The following FAT2 variants were observed in gnomAD, a reference collection of about 807,000 sequenced individuals.
FAT2 encodes protocadherin Fat 2.
FAT2 carries 150 observed loss-of-function variants against 295.3 expected under a neutral mutation model. The observed-to-expected ratio is 0.51, with a 90% CI of 0.44 to 0.58. The LOEUF (loss-of-function observed/expected upper bound fraction) is 0.58, where lower values mean the gene tolerates loss of function less well. FAT2 is among the 20% of genes least tolerant of loss of function. The pLI, the probability that FAT2 is intolerant of heterozygous loss-of-function variation, is 0.00. For synonymous variants in FAT2, 2,026 were observed against 2,150.3 expected (o/e 0.94, Z 1.60); for missense variants, 4,868 against 5,442.7 (o/e 0.89, Z 3.32).
intron 3 of FAT2, among the ~76,000 whole-genome samples, chr5:151,558,656 T>C (rs928969578): frequency 2.6e-5 from 4 of 151,862 alleles, no homozygotes; most frequent in African/African-American, 4.8e-5. Flanking sequence ...AAATAACAAC[T>C]ATTGCCTTCC....
chr5:151,570,902 G>A (rs1447043152), intron 1 of FAT2, among the ~76,000 whole-genome samples: 1 of 152,112 alleles, frequency 6.6e-6, no homozygotes, highest in African/African-American at 2.4e-5. Flanking sequence ...TCCGAGATAA[G>A]AGGCAGGAAT....
intron 20 of FAT2, among the ~76,000 whole-genome samples, chr5:151,517,018 G>A (rs770916624): frequency 9.2e-5 from 14 of 151,530 alleles, no homozygotes; most frequent in Non-Finnish European, 2.1e-4. Context: ...TGAGGCAGGA[G>A]AATCGCTTGA....
chr5:151,534,886 G>A (rs1209382666), intron 12 of FAT2, among the ~76,000 whole-genome samples: 5 of 149,286 alleles, frequency 3.3e-5, no homozygotes, highest in African/African-American at 1.2e-4. Context: ...CTAAAAATAG[G>A]TATATTCTTA....
Position 151,542,531 on chromosome 5 carries a change from C to G in FAT2, c.8596G>C (p.Glu2866Gln), listed in dbSNP as rs1462949529. ...WITTLQELDC[E>Q]TCQTYHFHVV... is the part of the protein sequence containing the mutation. The stretch of plus-strand genomic sequence containing the variant: ...TGAAAATGATAAGTCTGGCAGGTCT[C>G]ACAGTCAAGTTCCTGGAGTGTGGTG... Residue 2866 changes from glutamate (E) to glutamine (Q), a missense_variant, in exon 10 of 24, where the codon GAG (glutamate) becomes CAG (glutamine). Physicochemically the swap from Glu to Gln is conservative, Grantham distance 29. This residue lies in a region of FAT2 where 3,297 missense variants were observed against 3,669.4 expected (regional missense o/e 0.90). Transcript: ENST00000261800. 6.2e-7 allele frequency: 1 copy of G among 1,614,194 alleles called. No individual in the cohort carries two copies.
At chr5:151,529,105 C>T (rs1754322110) in intron 15 of FAT2, 73 bp downstream of exon 15, 2 of 1,277,584 alleles carry the variant, frequency 1.6e-6, no homozygotes. Context: ...TCATAGATGG[C>T]TGGGTGTGGG....
Position 151,527,228 on chromosome 5 carries a change from G to A in FAT2, c.10308+6C>T, listed in dbSNP as rs559978363. ...GGCTCAGGGTGCCTTGGAGGCTCAA[G>A]CTTACCTGGACAGTGGTGCTGTAGT... On this transcript the variant is annotated splice_donor_region_variant and intron_variant, in intron 17 of 23. Coordinates refer to ENST00000261800, the MANE Select transcript of FAT2 (RefSeq NM_001447.3). 6.2e-7 allele frequency: 1 copy of A among 1,600,850 alleles called. No homozygotes were observed. Among genetic ancestry groups the A allele is most frequent in the Admixed American group, 1.7e-5 (1 of 58,556 alleles).
chr5:151,589,580 G>A (rs1473586806), intron 1 of FAT2, among the ~76,000 whole-genome samples: 2 of 152,160 alleles, frequency 1.3e-5, no homozygotes, highest in East Asian at 1.9e-4. Context: ...CTCCTGCTCT[G>A]TCTACCCAAC....
At chr5:151,589,062 T>C (rs1162869275) in intron 1 of FAT2, among the ~76,000 whole-genome samples, 2 of 152,200 alleles carry the variant, frequency 1.3e-5, no homozygotes, top group Non-Finnish European at 2.9e-5. Context: ...GTACTATTAG[T>C]CCTAGAAATA....
At chr5:151,592,634 T>C (rs1759457546), upstream of FAT2, among the ~76,000 whole-genome samples, 2 of 152,198 alleles carry the variant, frequency 1.3e-5, no homozygotes, top group Non-Finnish European at 1.5e-5. Flanking sequence ...GTTAATGCTT[T>C]TATTATTATT....
rs199632287 is a variant in FAT2 at position 151,554,449 on chromosome 5, G to T, written c.3858C>A (p.Ser1286Arg). The change falls in exon 5 of 24, where the codon AGC becomes AGA. Residue 1286 changes from serine (S) to arginine (R), a missense_variant. Ser to Arg is a moderately radical substitution (Grantham distance 110). Around this residue, in one of 5 missense-constraint regions of FAT2, gnomAD observed 3,297 missense variants for 3,669.4 expected, o/e 0.90. Coordinates refer to ENST00000261800, the MANE Select transcript of FAT2 (RefSeq NM_001447.3). ...NGRVTYSIED[S>R]DEEAFSIDLV... ...GGTCGATACTGAAGGCCTCCTCATC[G>T]CTGTCCTCGATACTGTAGGTGACTC... is the stretch of plus-strand genomic sequence containing the variant. 1.9e-6 allele frequency: 3 copies of T among 1,614,160 alleles called. No homozygotes were observed. Among genetic ancestry groups the T allele is most frequent in the East Asian group, 2.2e-5 (1 of 44,888 alleles).
At chr5:151,527,572 A>G (rs1483046887) in intron 16 of FAT2, among the ~76,000 whole-genome samples, 195 bp from the exon 17 acceptor site, 1 of 152,032 alleles carries the variant, frequency 6.6e-6, no homozygotes, top group East Asian at 1.9e-4. Flanking sequence ...CTACTCAATC[A>G]TTTGCTGGCA....
At chr5:151,546,385 A>G in intron 9 of FAT2, 48 bp from the exon 10 acceptor site, 1 of 1,432,556 alleles carries the variant, frequency 7.0e-7, no homozygotes, top group Non-Finnish European at 9.6e-7. Flanking sequence ...CTCGACAGGT[A>G]TCAGCTAGGC....
chr5:151,508,733 G>T (rs1761087165), intron 22 of FAT2, among the ~76,000 whole-genome samples: 1 of 151,834 alleles, frequency 6.6e-6, no homozygotes, highest in Non-Finnish European at 1.5e-5. Flanking sequence ...AAGGACTGGG[G>T]TCATCAGCAT....
In FAT2 at chr5:151,510,158, A is replaced by G; in HGVS notation, c.11922T>C (p.Cys3974=). Reference sequence around the variant, plus strand: ...AGTGCTTCCCAGAGAACTGTGGGGGACATTTGCAGACATAGCCTAGGAGAA... The same window carrying G: ...AGTGCTTCCCAGAGAACTGTGGGGGGCATTTGCAGACATAGCCTAGGAGAA... ...WTHGAGYVCK[C]PPQFSGKHCE... is the part of the protein sequence containing the mutation. Residue 3974 remains cysteine (C), a synonymous_variant, in exon 22 of 24, where the codon TGT becomes TGC. Transcript: ENST00000261800. 6.2e-7 allele frequency: 1 copy of G among 1,614,020 alleles called. No individual in the cohort carries two copies. The highest frequency in any genetic ancestry group is 8.5e-7 in the Non-Finnish European group (1 of 1,179,968).
At chr5:151,588,634 G>A (rs1759274988) in intron 1 of FAT2, among the ~76,000 whole-genome samples, 1 of 152,188 alleles carries the variant, frequency 6.6e-6, no homozygotes, top group Non-Finnish European at 1.5e-5. Context: ...CCTGGACCCA[G>A]GCGCCAGGGC....
chr5:151,521,742 C>T lies in FAT2; in HGVS notation c.10851G>A (p.Val3617=), dbSNP rs748079354. 14 of 1,614,014 alleles carry T rather than the reference C, an allele frequency of 8.7e-6. No individual in the cohort carries two copies. The highest frequency in any genetic ancestry group is 3.3e-5 in the South Asian group (3 of 91,086). ...CCTCCTGCCCCACATGCCACACGTA[C>T]ACATGGACCCCAGCAGTCGTGGTGA... ...GTFTTTAGVH[V]YVWHVGQEAL... The change falls in exon 19 of 24, where the codon GTG becomes GTA. Residue 3617 remains valine, a synonymous_variant. Coordinates refer to ENST00000261800, the MANE Select transcript of FAT2 (RefSeq NM_001447.3).
chr5:151,537,999 CAG>C, intron 11 of FAT2, 53 bp from the exon 12 acceptor site: 3 of 1,518,460 alleles, frequency 2.0e-6, no homozygotes, highest in Non-Finnish European at 2.7e-6. Context: ...CATTCAGATC[CAG>C]AGAGAAGCAG....
intron 1 of FAT2, among the ~76,000 whole-genome samples, chr5:151,586,570 C>T (rs916317598): frequency 6.6e-6 from 1 of 152,166 alleles, no homozygotes; most frequent in Non-Finnish European, 1.5e-5. Flanking sequence ...GATATCTTAG[C>T]CTTCTAATCT....
rs985232826 is a variant in FAT2 at position 151,567,910 on chromosome 5, G to A, written c.1022C>T (p.Pro341Leu). Residue 341 changes from proline (P) to leucine (L), a missense_variant, in exon 2 of 24, where the codon CCT becomes CTT. This residue lies in a region of FAT2 where 3,297 missense variants were observed against 3,669.4 expected (regional missense o/e 0.90). Transcript: ENST00000261800. The part of the protein sequence containing the change: ...LSLQARSGSG[P>L]YFYSQIRGFH... The stretch of plus-strand genomic sequence containing the variant: ...GCCCCTGATCTGGGAATAAAAATAA[G>A]GGCCGCTCCCACTCCTGGCCTGGAG... 6.2e-6 allele frequency: 10 copies of A among 1,613,966 alleles called. No homozygotes were observed. Among genetic ancestry groups the A allele is most frequent in the Admixed American group, 5.0e-5 (3 of 59,992 alleles).
Sources: gnomAD v4.1 joint callset for allele counts (sites outside exome capture counted in the v4.1 genomes callset) on GRCh38, gnomAD v4.1.1 for gene constraint, gnomAD v4.1.1 regional missense constraint, MANE v1.5 for transcripts, NCBI Gene and HGNC (gene_info 2026-07-23, HGNC 2026-07-21) for gene names.